RBFOX1: variants seen among roughly 807,000 people sequenced by gnomAD.
RBFOX1 encodes RNA binding protein fox-1 homolog 1.
In RBFOX1, 8 loss-of-function variants were observed where a neutral mutation model predicts 57.7. The observed-to-expected ratio is 0.14, with a 90% confidence interval of 0.08 to 0.25. The LOEUF is 0.25. RBFOX1 is among the 10% of genes least tolerant of loss of function. RBFOX1 has a pLI of 1.00. For missense variants in RBFOX1, 611 were observed against 548.5 expected (o/e 1.11, Z -1.14); for synonymous variants, 326 against 222.4 (o/e 1.47, Z -4.15).
intron 4 of RBFOX1, among the ~76,000 whole-genome samples, chr16:6,006,766 T>C (rs2094929896): frequency 6.6e-6 from 1 of 152,192 alleles, no homozygotes; most frequent in African/African-American, 2.4e-5. Flanking sequence ...AAGCTGTTGT[T>C]CAAGGCCAGA....
At chr16:7,553,754 G>C (rs1014685906) in intron 5 of RBFOX1, among the ~76,000 whole-genome samples, 3 of 152,040 alleles carry the variant, frequency 2.0e-5, no homozygotes, top group Admixed American at 6.6e-5. Context: ...CATATGTTAG[G>C]GTAATCACAA....
chr16:6,780,388 T>TA lies in RBFOX1; in HGVS notation c.-16+125738_-16+125739insA, dbSNP rs1567216576. Among the ~76,000 whole-genome samples, 17 of 86,414 alleles carry TA rather than the reference T, an allele frequency of 2.0e-4. 1 individual carries two copies. The highest frequency in any genetic ancestry group is 4.7e-4 in the East Asian group (1 of 2,150). The allele number at this position is 86,414 out of a possible 152,430, so 56.7% of individuals were successfully genotyped here. A position where few individuals can be genotyped will look rare whatever the true frequency, so the allele number is the denominator to read the frequency against. On this transcript the variant is annotated intron_variant, in intron 3 of 15. Transcript: ENST00000550418. ...ATATTTATAGATATATTTATACATA[T>TA]TATATATATTTTTATATATATTTAT...
chr16:7,374,177 G>T (rs987520624), intron 4 of RBFOX1, among the ~76,000 whole-genome samples: 1 of 152,132 alleles, frequency 6.6e-6, no homozygotes, highest in African/African-American at 2.4e-5. Context: ...TGGAATAGTG[G>T]GAATGGCATG....
chr16:7,306,345 C>A (rs572161494), intron 4 of RBFOX1, among the ~76,000 whole-genome samples: 183 of 152,192 alleles, frequency 1.2e-3, no homozygotes, highest in African/African-American at 4.3e-3. Context: ...GGCAGTCTCT[C>A]CCACGAGGAA....
At chr16:7,183,257 A>C (rs909689693) in intron 4 of RBFOX1, among the ~76,000 whole-genome samples, 17 of 152,162 alleles carry the variant, frequency 1.1e-4, no homozygotes, top group African/African-American at 3.9e-4. Flanking sequence ...AGCCATGGTG[A>C]ATCACGAAAA....
At chr16:7,341,529 C>CTCT (rs1348038316) in intron 4 of RBFOX1, among the ~76,000 whole-genome samples, 1 of 152,138 alleles carries the variant, frequency 6.6e-6, no homozygotes, top group Non-Finnish European at 1.5e-5. Flanking sequence ...GAAGATAGAA[C>CTCT]TCTTGAGTCT....
At chr16:6,505,898 A>G (rs1026418479) in intron 2 of RBFOX1, among the ~76,000 whole-genome samples, 10 of 152,176 alleles carry the variant, frequency 6.6e-5, no homozygotes, top group Admixed American at 6.5e-4. Flanking sequence ...AAAGTGACAG[A>G]GAACCTGTTA....
intron 2 of RBFOX1, among the ~76,000 whole-genome samples, chr16:6,648,692 A>G (rs899398754): frequency 1.3e-5 from 2 of 151,944 alleles, no homozygotes; most frequent in Non-Finnish European, 2.9e-5. Flanking sequence ...CATATTTTTC[A>G]CTTCAGGAGA....
At chr16:5,646,332 T>A (rs2151346064) in intron 3 of RBFOX1, among the ~76,000 whole-genome samples, 1 of 151,778 alleles carries the variant, frequency 6.6e-6, no homozygotes, top group South Asian at 2.1e-4. Flanking sequence ...GGAGATAGGG[T>A]CTCACTATGT....
At chr16:5,450,675 G>A (rs994242560) in intron 1 of RBFOX1, among the ~76,000 whole-genome samples, 3 of 152,118 alleles carry the variant, frequency 2.0e-5, no homozygotes, top group Non-Finnish European at 4.4e-5. Context: ...TCAGAGTCAG[G>A]GAGGAAACTT....
chr16:6,777,728 C>G (rs1295779305), intron 3 of RBFOX1, among the ~76,000 whole-genome samples: 1 of 152,080 alleles, frequency 6.6e-6, no homozygotes, highest in South Asian at 2.1e-4. Context: ...ATATTCATAA[C>G]TGGTGGGCTT....
At chr16:5,335,626 A>G (rs2064876439) in intron 1 of RBFOX1, among the ~76,000 whole-genome samples, 1 of 152,144 alleles carries the variant, frequency 6.6e-6, no homozygotes, top group Non-Finnish European at 1.5e-5. Flanking sequence ...AGATTAGGAG[A>G]TAAAACAGAA....
chr16:6,415,483 A>T (rs1046085411), intron 2 of RBFOX1, among the ~76,000 whole-genome samples: 3 of 151,570 alleles, frequency 2.0e-5, no homozygotes, highest in African/African-American at 7.3e-5. Flanking sequence ...AGGGCGGATC[A>T]CGAGGTTAGG....
At chr16:6,322,565 C>G (rs986062572) in intron 2 of RBFOX1, among the ~76,000 whole-genome samples, 2 of 152,088 alleles carry the variant, frequency 1.3e-5, no homozygotes, top group Non-Finnish European at 2.9e-5. Context: ...TAAAGAAAAT[C>G]CTAAGCCAAT....
intron 3 of RBFOX1, among the ~76,000 whole-genome samples, chr16:5,803,601 T>A (rs773559705): frequency 6.6e-6 from 1 of 152,144 alleles, no homozygotes; most frequent in Admixed American, 6.5e-5. Context: ...CACACTTTGT[T>A]GGGCATTCAT....
chr16:6,413,388 C>T (rs1215193056), intron 2 of RBFOX1, among the ~76,000 whole-genome samples: 1 of 151,860 alleles, frequency 6.6e-6, no homozygotes, highest in Non-Finnish European at 1.5e-5. Flanking sequence ...GGTCTTGAAC[C>T]CCTGGGCTCA....
intron 3 of RBFOX1, among the ~76,000 whole-genome samples, chr16:5,835,364 C>T (rs760330360): frequency 2.6e-5 from 4 of 152,174 alleles, no homozygotes; most frequent in Non-Finnish European, 4.4e-5. Context: ...GAAGCCACTG[C>T]GATCTGCTTT....
chr16:7,173,129 A>G (rs1437667478), intron 4 of RBFOX1, among the ~76,000 whole-genome samples: 1 of 152,216 alleles, frequency 6.6e-6, no homozygotes, highest in African/African-American at 2.4e-5. Context: ...TTGATTATTC[A>G]TATTTCATAA....
At chr16:7,034,146 C>G (rs548959993) in intron 3 of RBFOX1, among the ~76,000 whole-genome samples, 8 of 152,246 alleles carry the variant, frequency 5.3e-5, no homozygotes, top group African/African-American at 1.9e-4. Flanking sequence ...GAGTGATTCT[C>G]ATTGCTGGTT....
Sources: gnomAD v4.1 joint callset for allele counts (sites outside exome capture counted in the v4.1 genomes callset) on GRCh38, gnomAD v4.1.1 for gene constraint, MANE v1.5 for transcripts, NCBI Gene and HGNC (gene_info 2026-07-23, HGNC 2026-07-21) for gene names.